The following STK35 variants were observed in gnomAD, a reference collection of about 807,000 sequenced individuals.
STK35 encodes the protein serine/threonine-protein kinase 35.
In STK35, 17 loss-of-function variants were observed where a neutral mutation model predicts 37.3. The observed-to-expected ratio is 0.46, with a 90% CI of 0.31 to 0.68. STK35 has a LOEUF of 0.68. Among genes scored for constraint, STK35 ranks in the 30% least tolerant of loss-of-function variants. The pLI is 0.05. For synonymous variants in STK35, 385 were observed against 319.1 expected (o/e 1.21, Z -2.20); for missense variants, 595 against 746.7 (o/e 0.80, Z 2.37).
chr20:2,136,618 C>T (rs975533596), intron 3 of STK35, among the ~76,000 whole-genome samples: 1 of 152,198 alleles, frequency 6.6e-6, no homozygotes, highest in African/African-American at 2.4e-5. Flanking sequence ...TATGTTAAAA[C>T]CCTATCATGT....
intron 3 of STK35, among the ~76,000 whole-genome samples, chr20:2,126,690 C>G (rs189969942): frequency 6.6e-6 from 1 of 152,184 alleles, no homozygotes; most frequent in Admixed American, 6.5e-5. Context: ...AAATGGAGAT[C>G]TCCTCCAGCG....
In STK35 at chr20:2,117,412, C is replaced by A; in HGVS notation, c.*34C>A. On this transcript the variant is annotated 3_prime_UTR_variant, in exon 3 of 4. Coordinates refer to ENST00000381482, the MANE Select transcript of STK35 (RefSeq NM_080836.4). This position sits in a 1 kb window ranked among gnomAD's most constrained non-coding sequence, Gnocchi z 4.4. ...GCTAAGCATTTTGGGTGATTTTAAA[C>A]TAGGTGAGTGCTCTCTGTTGTTGTT... 6.6e-7 allele frequency: 1 copy of A among 1,514,080 alleles called. No homozygotes were observed. The highest frequency in any genetic ancestry group is 2.3e-5 in the East Asian group (1 of 43,978). The allele number at this position is 1,514,080 out of a possible 1,614,324, so 93.8% of individuals were successfully genotyped here. A position where few individuals can be genotyped will look rare whatever the true frequency, so the allele number is the denominator to read the frequency against.
intron 3 of STK35, among the ~76,000 whole-genome samples, chr20:2,126,512 G>C (rs1255442985): frequency 6.6e-6 from 1 of 152,164 alleles, no homozygotes; most frequent in African/African-American, 2.4e-5. Flanking sequence ...CAGGAGGAAA[G>C]GGTACTACTG....
intron 3 of STK35, among the ~76,000 whole-genome samples, chr20:2,135,147 C>T (rs1986064977): frequency 6.6e-6 from 1 of 152,228 alleles, no homozygotes; most frequent in Non-Finnish European, 1.5e-5. Flanking sequence ...TCCCGTGTTT[C>T]ACTTCAGTTC....
chr20:2,107,288 C>G (rs1228005083), intron 2 of STK35, among the ~76,000 whole-genome samples: 1 of 152,254 alleles, frequency 6.6e-6, no homozygotes, highest in Non-Finnish European at 1.5e-5. Flanking sequence ...TAATCCAGGA[C>G]AAACTCTCAA....
intron 2 of STK35, among the ~76,000 whole-genome samples, chr20:2,107,753 C>T (rs1365636407): frequency 2.0e-5 from 3 of 152,146 alleles, no homozygotes; most frequent in East Asian, 1.9e-4. Flanking sequence ...AGAGCAAGGC[C>T]GTTCCCTCCC....
rs764123448 is a variant in STK35 at position 2,103,045 on chromosome 20, C to T, written c.572C>T (p.Pro191Leu). 4.5e-6 allele frequency: 7 copies of T among 1,542,870 alleles called. No individual in the cohort carries two copies. The South Asian group carries it at 4.8e-5, about 11-fold the overall frequency. The change falls in exon 2 of 4, where the codon CCT (proline) becomes CTT (leucine). Residue 191 changes from proline to leucine, a missense_variant. Transcript: ENST00000381482. The part of the protein sequence containing the change: ...PGEAFLARRR[P>L]EGGGGSARPR... ...GAGGCCTTCCTGGCGCGGCGACGGC[C>T]TGAGGGCGGTGGCGGGTCCGCGCGG... is the stretch of plus-strand genomic sequence containing the variant.
chr20:2,106,811 A>G (rs73892016), intron 2 of STK35, among the ~76,000 whole-genome samples: 1,621 of 152,304 alleles, frequency 0.011, 24 homozygotes, highest in African/African-American at 0.035. Flanking sequence ...AACACGTCCT[A>G]CCCAGAGGCA....
chr20:2,132,798 C>T (rs561930197), intron 3 of STK35, among the ~76,000 whole-genome samples: 16 of 152,316 alleles, frequency 1.1e-4, no homozygotes, highest in African/African-American at 3.6e-4. Flanking sequence ...TAGGTTTAAA[C>T]GGCAGCTCTC....
chr20:2,129,571 T>C (rs1985964039), intron 3 of STK35, among the ~76,000 whole-genome samples: 1 of 152,170 alleles, frequency 6.6e-6, no homozygotes, highest in Non-Finnish European at 1.5e-5. Context: ...CAACTGTGTG[T>C]TGGGCACTGT....
At chr20:2,111,382 T>C (rs1230225075) in intron 2 of STK35, among the ~76,000 whole-genome samples, 2 of 152,192 alleles carry the variant, frequency 1.3e-5, no homozygotes, top group Non-Finnish European at 2.9e-5. Flanking sequence ...TTGTAGATTC[T>C]GTAAGCGACA....
intron 1 of STK35, 89 bp from the exon 2 acceptor site, chr20:2,102,679 C>T (rs1279753682): frequency 5.8e-6 from 7 of 1,216,296 alleles, no homozygotes; most frequent in Admixed American, 4.0e-5. Flanking sequence ...CCGCGGCGGC[C>T]GGGGGAGGAG....
intron 2 of STK35, among the ~76,000 whole-genome samples, chr20:2,103,821 C>T (rs1985459508): frequency 6.6e-6 from 1 of 152,134 alleles, no homozygotes; most frequent in Non-Finnish European, 1.5e-5. Context: ...TGTCTGGTTC[C>T]AAGTTTCCTG....
Position 2,117,479 on chromosome 20 carries a change from A to G in STK35, c.*37+64A>G. 1 of 939,946 alleles carries G rather than the reference A, an allele frequency of 1.1e-6. No individual in the cohort carries two copies. Among genetic ancestry groups the G allele is most frequent in the Admixed American group, 2.8e-5 (1 of 35,966 alleles). 58.2% of individuals were successfully genotyped at this position (939,946 alleles called of 1,614,324 possible). On this transcript the variant is annotated intron_variant, in intron 3 of 3. Transcript: ENST00000381482. The surrounding 1 kb of genome is among the most constrained non-coding windows in gnomAD (Gnocchi z 4.4). ...GAGACAGGGTCTCACTCTGTTGGTC[A>G]GGCTGGGGTGCAGCGGGTGCAGTGG...
chr20:2,121,105 A>G (rs940942898), intron 3 of STK35, among the ~76,000 whole-genome samples: 9 of 152,212 alleles, frequency 5.9e-5, no homozygotes, highest in East Asian at 1.9e-4. Context: ...AGGAAGAGAT[A>G]GATAACTAGG....
At chr20:2,125,203 G>C (rs1308328181) in intron 3 of STK35, among the ~76,000 whole-genome samples, 2 of 152,174 alleles carry the variant, frequency 1.3e-5, no homozygotes, top group African/African-American at 4.8e-5. Flanking sequence ...GTTCAGGGGT[G>C]CTTCCAACTC....
chr20:2,109,937 C>T (rs1280688763), intron 2 of STK35, among the ~76,000 whole-genome samples: 2 of 152,270 alleles, frequency 1.3e-5, no homozygotes, highest in African/African-American at 4.8e-5. Flanking sequence ...GGTGGGTTTA[C>T]TCTTGTCCTC....
intron 3 of STK35, among the ~76,000 whole-genome samples, chr20:2,122,930 G>A (rs1985844473): frequency 6.6e-6 from 1 of 152,232 alleles, no homozygotes; most frequent in Non-Finnish European, 1.5e-5. Flanking sequence ...AGACCATTCA[G>A]TGATGGGTCT....
In STK35 at chr20:2,116,660, A is replaced by G; in HGVS notation, c.893-6A>G. 3 of 1,607,578 alleles carry G rather than the reference A, an allele frequency of 1.9e-6. No homozygotes were observed. Among genetic ancestry groups the G allele is most frequent in the Admixed American group, 1.7e-5 (1 of 59,284 alleles). On this transcript the variant is annotated splice_region_variant and splice_polypyrimidine_tract_variant and intron_variant, in intron 2 of 3. Transcript: ENST00000381482. ...CTCAAGCTCCTTCCTGTCTTCTTTGATTTAGGAGAAAGGATCCTGGGTTAT... is the reference window on the plus strand; with the variant it reads ...CTCAAGCTCCTTCCTGTCTTCTTTGGTTTAGGAGAAAGGATCCTGGGTTAT...
Sources: gnomAD v4.1 joint callset for allele counts (sites outside exome capture counted in the v4.1 genomes callset) on GRCh38, gnomAD v4.1.1 for gene constraint, Gnocchi (gnomAD v3.1) non-coding constraint, MANE v1.5 for transcripts, NCBI Gene and HGNC (gene_info 2026-07-23, HGNC 2026-07-21) for gene names.